Variants in PPM1L observed in about 807,000 individuals in gnomAD.
PPM1L encodes the protein protein phosphatase 1L.
Under a neutral mutation model 31.4 loss-of-function variants are expected in PPM1L, and 13 were observed. The ratio of observed to expected loss-of-function variants is 0.41; its 90% CI spans 0.27 to 0.66. The LOEUF (loss-of-function observed/expected upper bound fraction) is 0.66, where lower values mean the gene tolerates loss of function less well. Among genes scored for constraint, PPM1L ranks in the 30% least tolerant of loss-of-function variants. PPM1L has a pLI of 0.29. For missense variants in PPM1L, 326 were observed against 453.7 expected (o/e 0.72, Z 2.56); for synonymous variants, 184 against 175.4 (o/e 1.05, Z -0.39).
chr3:161,047,434 A>C (rs567097950), intron 2 of PPM1L, among the ~76,000 whole-genome samples: 1 of 152,338 alleles, frequency 6.6e-6, no homozygotes, highest in African/African-American at 2.4e-5. Flanking sequence ...ACAAAATAAA[A>C]GAGGTTACAA....
At chr3:160,815,368 G>C (rs1712962755) in intron 1 of PPM1L, among the ~76,000 whole-genome samples, 1 of 152,108 alleles carries the variant, frequency 6.6e-6, no homozygotes, top group Non-Finnish European at 1.5e-5. Flanking sequence ...ACTGTTCTCA[G>C]ATTATTTTGT....
At chr3:160,853,587 A>G (rs1711589218) in intron 1 of PPM1L, among the ~76,000 whole-genome samples, 1 of 152,192 alleles carries the variant, frequency 6.6e-6, no homozygotes, top group Non-Finnish European at 1.5e-5. Flanking sequence ...TAAAAATACT[A>G]AAATTATTAA....
intron 1 of PPM1L, among the ~76,000 whole-genome samples, chr3:160,766,360 C>G (rs761381859): frequency 1.3e-5 from 2 of 152,070 alleles, no homozygotes; most frequent in Non-Finnish European, 2.9e-5. Flanking sequence ...GGAAGGACCT[C>G]GTGGAAGGTG....
intron 2 of PPM1L, among the ~76,000 whole-genome samples, chr3:161,022,695 G>A (rs1479947240): frequency 7.6e-5 from 9 of 118,608 alleles, no homozygotes; most frequent in African/African-American, 1.7e-4. Flanking sequence ...ATGGAGTCTC[G>A]CTCTGTCACC....
chr3:160,949,165 T>C (rs879586481), intron 1 of PPM1L, among the ~76,000 whole-genome samples: 1 of 152,154 alleles, frequency 6.6e-6, no homozygotes, highest in Non-Finnish European at 1.5e-5. Context: ...AGTGACCGAA[T>C]TTTGTAGAAA....
At chr3:161,062,428 C>A (rs1171384789) in intron 2 of PPM1L, among the ~76,000 whole-genome samples, 1 of 152,114 alleles carries the variant, frequency 6.6e-6, no homozygotes, top group East Asian at 1.9e-4. Flanking sequence ...TAGTGAGAAC[C>A]CATCTCTACA....
intron 1 of PPM1L, among the ~76,000 whole-genome samples, chr3:160,922,534 T>A (rs1368996295): frequency 1.3e-5 from 2 of 152,210 alleles, no homozygotes; most frequent in Non-Finnish European, 2.9e-5. Flanking sequence ...TCTTTTTGGT[T>A]CCCAAGTTAT....
At chr3:161,029,780 G>A (rs991131564) in intron 2 of PPM1L, among the ~76,000 whole-genome samples, 1 of 151,894 alleles carries the variant, frequency 6.6e-6, no homozygotes, top group Non-Finnish European at 1.5e-5. Context: ...TCCTTTCCTT[G>A]CTATTCTACT....
At chr3:160,972,046 G>T (rs1716357492) in intron 2 of PPM1L, among the ~76,000 whole-genome samples, 1 of 152,148 alleles carries the variant, frequency 6.6e-6, no homozygotes, top group Admixed American at 6.5e-5. Context: ...GGAATTACAG[G>T]AATGAGCCAC....
Position 160,756,505 on chromosome 3 carries a change from T to G in PPM1L, c.197T>G (p.Ile66Ser). The change falls in exon 1 of 4, where the codon ATC becomes AGC. Residue 66 changes from isoleucine (I) to serine (S), a missense_variant. Around this residue, in one of 3 missense-constraint regions of PPM1L, gnomAD observed 83 missense variants for 79.4 expected, o/e 1.04. Transcript: ENST00000498165. This position sits in a 1 kb window ranked among gnomAD's most constrained non-coding sequence, Gnocchi z 6.2. ...VKMVKGKVAE[I>S]MQNDRLGGLD... ...ATGGTGAAGGGCAAGGTAGCCGAGA[T>G]CATGCAGAACGATCGACTCGGGGGG... is the stretch of plus-strand genomic sequence containing the variant. The G allele has an allele frequency of 1.2e-6, 2 of 1,613,932 alleles. No individual in the cohort carries two copies. The highest frequency in any genetic ancestry group is 1.7e-6 in the Non-Finnish European group (2 of 1,179,964).
chr3:161,072,821 A>C lies in PPM1L; in HGVS notation c.*3664A>C, dbSNP rs778327230. 14 of 152,234 alleles carry C rather than the reference A, an allele frequency of 9.2e-5. No individual in the cohort carries two copies. The highest frequency in any genetic ancestry group is 1.6e-4 in the Non-Finnish European group (11 of 68,044). 9.4% of individuals were successfully genotyped at this position (152,234 alleles called of 1,614,324 possible). On this transcript the variant is annotated 3_prime_UTR_variant, in exon 4 of 4. Transcript: ENST00000498165. ...CATATCATTGTATATTTGAAACTAT[A>C]GGAATATATACTTTGTATAAAACTT...
intron 2 of PPM1L, among the ~76,000 whole-genome samples, chr3:161,062,511 T>G (rs1308174885): frequency 1.3e-5 from 2 of 152,206 alleles, no homozygotes; most frequent in Non-Finnish European, 2.9e-5. Context: ...CCTCATTAAT[T>G]CCACCTGTTC....
Position 161,070,324 on chromosome 3 carries a change from G to T in PPM1L, c.*1167G>T, listed in dbSNP as rs756203019. On this transcript the variant is annotated 3_prime_UTR_variant, in exon 4 of 4. Coordinates refer to ENST00000498165, the MANE Select transcript of PPM1L (RefSeq NM_139245.4). ...TGGGATAAGCTTCTCCTTGACAATG[G>T]AAAGGCAGCAGTCTTCAACATTTGG... The T allele has an allele frequency of 5.3e-5, 8 of 152,202 alleles. No homozygotes were observed. Among genetic ancestry groups the T allele is most frequent in the Non-Finnish European group, 1.0e-4 (7 of 68,052 alleles). The allele number at this position is 152,202 out of a possible 1,614,324, so 9.4% of individuals were successfully genotyped here.
intron 1 of PPM1L, among the ~76,000 whole-genome samples, chr3:160,838,915 A>T (rs1713790867): frequency 6.6e-6 from 1 of 152,154 alleles, no homozygotes; most frequent in Non-Finnish European, 1.5e-5. Flanking sequence ...ACCCAAATTT[A>T]TATGTTGATG....
intron 1 of PPM1L, among the ~76,000 whole-genome samples, chr3:160,938,979 C>T (rs926409038): frequency 6.6e-6 from 1 of 152,082 alleles, no homozygotes; most frequent in Non-Finnish European, 1.5e-5. Flanking sequence ...AGCTCCAAGG[C>T]AAGAACCCAA....
chr3:160,981,025 A>G (rs1227708238), intron 2 of PPM1L, among the ~76,000 whole-genome samples: 1 of 152,208 alleles, frequency 6.6e-6, no homozygotes, highest in African/African-American at 2.4e-5. Flanking sequence ...TGTCCAGAGC[A>G]TGACAGAAAC....
At chr3:160,961,185 A>G (rs1715954204) in intron 1 of PPM1L, among the ~76,000 whole-genome samples, 1 of 152,158 alleles carries the variant, frequency 6.6e-6, no homozygotes. Flanking sequence ...CCCCAGGTTA[A>G]GGGGCATTGT....
chr3:161,055,295 A>G (rs1447670986), intron 2 of PPM1L, among the ~76,000 whole-genome samples: 6 of 152,166 alleles, frequency 3.9e-5, no homozygotes, highest in Non-Finnish European at 7.4e-5. Context: ...GATTATGCAG[A>G]CAAGAGTAGG....
In PPM1L at chr3:160,825,241, G is replaced by A. The variant is rs77811916; in HGVS notation, c.399+68534G>A. 4.7e-3 allele frequency among the ~76,000 whole-genome samples: 718 copies of A among 152,150 alleles called. 7 individuals carry two copies. The highest frequency in any genetic ancestry group is 0.016 in the African/African-American group (684 of 41,520). On this transcript the variant is annotated intron_variant, in intron 1 of 3. Coordinates refer to ENST00000498165, the MANE Select transcript of PPM1L (RefSeq NM_139245.4). ...TCTACATTTTGCAATTGAAATTTGA[G>A]TATTTGGGATCCTAAAATAGAACCG...
Sources: allele counts gnomAD v4.1 joint callset (sites outside exome capture counted in the v4.1 genomes callset), GRCh38; gene constraint gnomAD v4.1.1; regional missense constraint gnomAD v4.1.1; non-coding constraint Gnocchi (gnomAD v3.1); transcripts MANE v1.5; gene names NCBI Gene and HGNC (gene_info 2026-07-23, HGNC 2026-07-21).